Variants in SSTR3 observed in about 807,000 individuals in gnomAD.
The protein encoded by SSTR3 is somatostatin receptor 3.
For missense variants in SSTR3, 504 were observed against 604.7 expected (o/e 0.83, Z 1.75); for synonymous variants, 281 against 269.2 (o/e 1.04, Z -0.43).
chr22:37,216,613 G>A (rs548604644), upstream of SSTR3, among the ~76,000 whole-genome samples: 4 of 152,314 alleles, frequency 2.6e-5, no homozygotes, highest in East Asian at 5.8e-4. Context: ...GGAGACTGAC[G>A]AGCTCCTCTT....
intron 1 of SSTR3, 21 bp from the exon 2 acceptor site, chr22:37,207,860 T>C (rs1302163253): frequency 1.4e-6 from 2 of 1,462,950 alleles, no homozygotes; most frequent in Non-Finnish European, 1.8e-6. Flanking sequence ...GAAAAACAGC[T>C]CGGTCACAGC....
chr22:37,217,089 C>T (rs1239008519), upstream of SSTR3, among the ~76,000 whole-genome samples: 2 of 152,184 alleles, frequency 1.3e-5, no homozygotes, highest in Non-Finnish European at 2.9e-5. Context: ...GCGTGAGCCA[C>T]CGCGCCTGGC....
chr22:37,219,583 T>C, the SSTR3 span, among the ~76,000 whole-genome samples: 1 of 152,132 alleles, frequency 6.6e-6, no homozygotes, highest in African/African-American at 2.4e-5. Flanking sequence ...AGTATCTCTC[T>C]GGAGCGTGGT....
upstream of SSTR3, among the ~76,000 whole-genome samples, chr22:37,214,557 G>A (rs138202540): frequency 2.0e-3 from 301 of 152,250 alleles, no homozygotes; most frequent in Admixed American, 3.5e-3. Context: ...AATGAAATCT[G>A]TATGTTTTTC....
upstream of SSTR3, among the ~76,000 whole-genome samples, chr22:37,215,213 T>G (rs1396416096): frequency 6.6e-6 from 1 of 152,182 alleles, no homozygotes; most frequent in Non-Finnish European, 1.5e-5. Flanking sequence ...ATATATGCTA[T>G]TATTTTTTCC....
At chr22:37,215,482 T>C (rs971169040), upstream of SSTR3, among the ~76,000 whole-genome samples, 3 of 152,164 alleles carry the variant, frequency 2.0e-5, no homozygotes, top group African/African-American at 7.2e-5. Flanking sequence ...ACCTCCCAGG[T>C]TCAAGCGATT....
chr22:37,207,867 C>T (rs989570363), intron 1 of SSTR3, 28 bp from the exon 2 acceptor site: 37 of 1,451,332 alleles, frequency 2.5e-5, no homozygotes, highest in Admixed American at 5.6e-5. Flanking sequence ...AGCTCGGTCA[C>T]AGCAGAGAAT....
chr22:37,206,257 C>T lies in SSTR3; in HGVS notation c.*290G>A, dbSNP rs1209858309. ...CTGGGGGGAGGCCAGTCTGCACCCACCTTTTGCCTGCTCAGCCAGGTCAGC... is the reference window on the plus strand; with the variant it reads ...CTGGGGGGAGGCCAGTCTGCACCCATCTTTTGCCTGCTCAGCCAGGTCAGC... On this transcript the variant is annotated 3_prime_UTR_variant, in exon 2 of 2. Transcript: ENST00000610913. 5.2e-6 allele frequency: 2 copies of T among 386,658 alleles called. No individual in the cohort carries two copies. Among genetic ancestry groups the T allele is most frequent in the Non-Finnish European group, 9.2e-6 (2 of 217,382 alleles). The allele number at this position is 386,658 out of a possible 1,614,324, so 24.0% of individuals were successfully genotyped here. A position where few individuals can be genotyped will look rare whatever the true frequency, so the allele number is the denominator to read the frequency against.
the SSTR3 span, among the ~76,000 whole-genome samples, chr22:37,219,285 G>A: frequency 1.4e-3 from 218 of 152,236 alleles, no homozygotes; most frequent in African/African-American, 4.8e-3. Flanking sequence ...CTATTTACAC[G>A]TCTGTCTCTC....
intron 1 of SSTR3, chr22:37,210,398 C>A: frequency 2.1e-6 from 1 of 476,266 alleles, no homozygotes; most frequent in Non-Finnish European, 2.7e-6. Flanking sequence ...TGTACCAGGG[C>A]ATGCAGTCGC....
the SSTR3 span, among the ~76,000 whole-genome samples, chr22:37,219,109 T>C: frequency 2.0e-5 from 3 of 152,332 alleles, no homozygotes; most frequent in East Asian, 1.9e-4. Context: ...TCTTTGAAGG[T>C]GGGAGTTTGT....
Position 37,207,104 on chromosome 22 carries a change from G to T in SSTR3, c.700C>A (p.Arg234Ser), listed in dbSNP as rs1190974255. 6.2e-7 allele frequency: 1 copy of T among 1,612,586 alleles called. No homozygotes were observed. Among genetic ancestry groups the T allele is most frequent in the Non-Finnish European group, 8.5e-7 (1 of 1,179,682 alleles). The change falls in exon 2 of 2, where the codon CGC (arginine) becomes AGC (serine). Residue 234 changes from arginine to serine, a missense_variant. Arg to Ser is a moderately radical substitution (Grantham distance 110). Transcript: ENST00000610913. ...LCYLLIVVKV[R>S]SAGRRVWAPS... Reference sequence around the variant, plus strand: ...GCCCACACCCGGCGCCCAGCTGAGCGCACCTTCACCACGATGAGCAGGTAG... The same window carrying T: ...GCCCACACCCGGCGCCCAGCTGAGCTCACCTTCACCACGATGAGCAGGTAG...
chr22:37,219,668 A>G, the SSTR3 span, among the ~76,000 whole-genome samples: 2 of 152,228 alleles, frequency 1.3e-5, no homozygotes, highest in Non-Finnish European at 2.9e-5. Context: ...CAAAAAGTCA[A>G]GGTTTCAGTA....
Position 37,207,062 on chromosome 22 carries a change from G to A in SSTR3, c.742C>T (p.Arg248Trp), listed in dbSNP as rs760525038. 87 of 1,612,126 alleles carry A rather than the reference G, an allele frequency of 5.4e-5. 1 individual carries two copies. In the Middle Eastern group the frequency reaches 5.6e-3, roughly 104 times the overall value. Residue 248 changes from arginine (R) to tryptophan (W), a missense_variant, in exon 2 of 2, where the codon CGG becomes TGG. Transcript: ENST00000610913. The stretch of plus-strand genomic sequence containing the variant: ...GTGACCCTGCGTTCGGAGCGCCGCC[G>A]CCGCTGGCACGAGGGTGCCCACACC... ...RRVWAPSCQR[R>W]RRSERRVTRM... is the part of the protein sequence containing the mutation.
intron 1 of SSTR3, among the ~76,000 whole-genome samples, chr22:37,209,253 C>T (rs980671747): frequency 2.0e-5 from 3 of 152,204 alleles, no homozygotes; most frequent in Non-Finnish European, 2.9e-5. Context: ...TCCAAACAAA[C>T]GCCTCTGAGC....
upstream of SSTR3, among the ~76,000 whole-genome samples, chr22:37,214,476 C>G (rs1926351620): frequency 6.6e-6 from 1 of 152,176 alleles, no homozygotes; most frequent in African/African-American, 2.4e-5. Context: ...GTACAAAAGC[C>G]TTTATGCCTA....
At chr22:37,217,016 G>C (rs915966686), upstream of SSTR3, among the ~76,000 whole-genome samples, 1 of 152,126 alleles carries the variant, frequency 6.6e-6, no homozygotes, top group Non-Finnish European at 1.5e-5. Context: ...GCCAAGGCTG[G>C]TCTTGAACTC....
chr22:37,215,911 C>G (rs5756563), upstream of SSTR3: 68,480 of 249,800 alleles, frequency 0.27, 10,746 homozygotes, highest in Non-Finnish European at 0.36. Context: ...ACGGAGTCAA[C>G]CACACACCAC....
At chr22:37,210,898 C>T (rs1402698619) in intron 1 of SSTR3, 1 of 985,374 alleles carries the variant, frequency 1.0e-6, no homozygotes, top group Non-Finnish European at 1.2e-6. Flanking sequence ...TAAATGTGAA[C>T]AGCCAAGCCG....
Sources: allele counts gnomAD v4.1 joint callset (sites outside exome capture counted in the v4.1 genomes callset), GRCh38; gene constraint gnomAD v4.1.1; transcripts MANE v1.5; gene names NCBI Gene and HGNC (gene_info 2026-07-23, HGNC 2026-07-21).